The following CEP63 variants were observed in gnomAD, a reference collection of about 807,000 sequenced individuals.
CEP63 encodes the protein centrosomal protein of 63 kDa.
Under a neutral mutation model 89.1 loss-of-function variants are expected in CEP63, and 84 were observed. The observed-to-expected ratio is 0.94, with a 90% CI of 0.79 to 1.13. The LOEUF (loss-of-function observed/expected upper bound fraction) is 1.13. CEP63 is among the 50% of genes most tolerant of loss of function. The pLI, the probability that CEP63 is intolerant of heterozygous loss-of-function variation, is 0.00. For synonymous variants in CEP63, 267 were observed against 272.5 expected, an observed-to-expected ratio of 0.98 and a Z score of 0.20; for missense variants, 838 against 813.3, an observed-to-expected ratio of 1.03 and a Z score of -0.37.
At chr3:134,511,775 C>T (rs757470317) in intron 3 of CEP63, among the ~76,000 whole-genome samples, 1 of 152,148 alleles carries the variant, frequency 6.6e-6, no homozygotes, top group East Asian at 1.9e-4. Context: ...AATTCACTAT[C>T]ACAAGAACAG....
At chr3:134,502,185 T>G (rs1942191347) in intron 2 of CEP63, among the ~76,000 whole-genome samples, 1 of 152,228 alleles carries the variant, frequency 6.6e-6, no homozygotes, top group African/African-American at 2.4e-5. Context: ...TAAAGCCCAC[T>G]TGATTGTGAT....
chr3:134,610,342 T>A, the CEP63 span: 1 of 1,613,432 alleles, frequency 6.2e-7, no homozygotes, highest in Non-Finnish European at 8.5e-7. Context: ...GCCGAAACCC[T>A]TGGAGTAGCC....
chr3:134,511,626 G>C (rs1418898662), intron 3 of CEP63, among the ~76,000 whole-genome samples: 1 of 152,154 alleles, frequency 6.6e-6, no homozygotes, highest in African/African-American at 2.4e-5. Flanking sequence ...GGCTGTACAG[G>C]AAGCATGGCT....
At position 134,545,615 on chromosome 3, in the gene CEP63, A is replaced by T. The variant is rs1196682103; in HGVS notation, c.585A>T (p.Leu195Phe). ...AGCTTGTCAATCGGAAACAGAAATTAGAGTCTGTGGAACTTTCTAGCCAAT... is the reference window on the plus strand; with the variant it reads ...AGCTTGTCAATCGGAAACAGAAATTTGAGTCTGTGGAACTTTCTAGCCAAT... ...QAQLVNRKQK[L>F]ESVELSSQSE... Residue 195 changes from leucine to phenylalanine, a missense_variant, in exon 7 of 15, where the codon TTA becomes TTT. Coordinates refer to ENST00000675561, the MANE Select transcript of CEP63 (RefSeq NM_001353108.3). 1 of 1,614,022 alleles carries T rather than the reference A, an allele frequency of 6.2e-7. No homozygotes were observed. The highest frequency in any genetic ancestry group is 8.5e-7 in the Non-Finnish European group (1 of 1,179,998).
chr3:134,588,661 A>G (rs1295120526), downstream of CEP63, among the ~76,000 whole-genome samples: 5 of 152,198 alleles, frequency 3.3e-5, no homozygotes, highest in East Asian at 9.6e-4. Context: ...TACTTATTTT[A>G]AAAAGGTAAG....
At chr3:134,536,956 A>ATATCC in intron 5 of CEP63, 199 bp from the exon 6 acceptor site, 1 of 573,870 alleles carries the variant, frequency 1.7e-6, no homozygotes, top group African/African-American at 1.9e-5. Flanking sequence ...AGAAAGACAG[A>ATATCC]TATCCAGAGG....
the CEP63 span, chr3:134,780,402 C>G: frequency 6.6e-6 from 1 of 152,318 alleles, no homozygotes; most frequent in South Asian, 2.1e-4. Flanking sequence ...TAAGCAATAA[C>G]TCCCGATTCC....
chr3:134,526,608 G>A (rs1948694087), intron 3 of CEP63, among the ~76,000 whole-genome samples: 1 of 152,036 alleles, frequency 6.6e-6, no homozygotes, highest in Admixed American at 6.5e-5. Context: ...TGTCATTTCA[G>A]CCATCTTAGC....
chr3:134,528,215 C>A (rs779588635), intron 3 of CEP63, among the ~76,000 whole-genome samples: 21 of 152,274 alleles, frequency 1.4e-4, no homozygotes, highest in Non-Finnish European at 2.6e-4. Flanking sequence ...AGCCCAGCTT[C>A]TGTGTCTTCC....
At chr3:134,706,796 C>G in the CEP63 span, among the ~76,000 whole-genome samples, 1 of 152,238 alleles carries the variant, frequency 6.6e-6, no homozygotes, top group Non-Finnish European at 1.5e-5. Flanking sequence ...AAGCCTCCTT[C>G]CCAGCTTCTG....
chr3:134,780,072 C>T, the CEP63 span, among the ~76,000 whole-genome samples: 8 of 152,162 alleles, frequency 5.3e-5, no homozygotes, highest in African/African-American at 1.4e-4. Flanking sequence ...CTGTATTCTA[C>T]GAACCCTAGC....
intron 3 of CEP63, 146 bp from the exon 4 acceptor site, chr3:134,531,699 C>A: frequency 1.6e-6 from 1 of 624,256 alleles, no homozygotes; most frequent in Non-Finnish European, 2.8e-6. Context: ...AGGTATTTGA[C>A]TTCCTAAGAA....
Position 134,533,083 on chromosome 3 carries a change from C to T in CEP63, c.441+183C>T, listed in dbSNP as rs368637754. On this transcript the variant is annotated intron_variant, in intron 5 of 14. Transcript: ENST00000675561. ...ATCATCATCTAGTTCCCTGGGTTAA[C>T]GGGGTTACTGGCCATCAGTAATTCT... Among the ~76,000 whole-genome samples the T allele has an allele frequency of 1.6e-3, 245 of 152,220 alleles. 1 individual carries two copies. The highest frequency in any genetic ancestry group is 2.9e-3 in the Non-Finnish European group (195 of 68,010).
At chr3:134,638,781 G>A in the CEP63 span, among the ~76,000 whole-genome samples, 31 of 152,314 alleles carry the variant, frequency 2.0e-4, no homozygotes, top group South Asian at 6.2e-3. Flanking sequence ...TTTCAATCAG[G>A]ATTTATCTAA....
chr3:134,529,070 G>C (rs914019292), intron 3 of CEP63, among the ~76,000 whole-genome samples: 1 of 152,132 alleles, frequency 6.6e-6, no homozygotes, highest in African/African-American at 2.4e-5. Flanking sequence ...GAGTTAATCT[G>C]TATTAACATT....
At chr3:134,644,971 C>T in the CEP63 span, among the ~76,000 whole-genome samples, 5 of 152,248 alleles carry the variant, frequency 3.3e-5, no homozygotes, top group Non-Finnish European at 4.4e-5. Flanking sequence ...AGGCCAGGAC[C>T]GCCTTCTGCA....
chr3:134,744,928 T>C, the CEP63 span, among the ~76,000 whole-genome samples: 1 of 152,246 alleles, frequency 6.6e-6, no homozygotes, highest in African/African-American at 2.4e-5. Context: ...ACCAGCCTTA[T>C]TGAGGTATGA....
chr3:134,624,690 C>T, the CEP63 span, among the ~76,000 whole-genome samples: 1 of 152,250 alleles, frequency 6.6e-6, no homozygotes, highest in Non-Finnish European at 1.5e-5. Context: ...CCCATCCTCT[C>T]CTCCCTTCTT....
chr3:134,561,125 C>G (rs1957266872), intron 14 of CEP63, among the ~76,000 whole-genome samples: 1 of 152,062 alleles, frequency 6.6e-6, no homozygotes, highest in Non-Finnish European at 1.5e-5. Context: ...TTCTTCAGAC[C>G]AATAACTAAT....
Sources: allele counts gnomAD v4.1 joint callset (sites outside exome capture counted in the v4.1 genomes callset), GRCh38; gene constraint gnomAD v4.1.1; transcripts MANE v1.5; gene names NCBI Gene and HGNC (gene_info 2026-07-23, HGNC 2026-07-21).